The following CSMD1 variants were observed in gnomAD, a reference collection of about 807,000 sequenced individuals.
CSMD1 encodes CUB and sushi domain-containing protein 1.
In CSMD1, 213 loss-of-function variants were observed where a neutral mutation model predicts 417.5. The observed-to-expected ratio is 0.51, with a 90% CI of 0.46 to 0.57. The LOEUF is 0.57. Among genes scored for constraint, CSMD1 ranks in the 20% least tolerant of loss-of-function variants. The probability of loss-of-function intolerance (pLI) is 0.00; values close to 1 mark genes in which losing one functional copy is unlikely to be tolerated. For synonymous variants in CSMD1, 2,862 were observed against 1,736.8 expected, an observed-to-expected ratio of 1.65 and a Z score of -16.11; for missense variants, 6,923 against 4,529.7, an observed-to-expected ratio of 1.53 and a Z score of -15.17.
chr8:4,579,195 T>C (rs570465381), intron 2 of CSMD1, among the ~76,000 whole-genome samples: 92 of 151,922 alleles, frequency 6.1e-4, no homozygotes, highest in African/African-American at 2.2e-3. Context: ...AAGTCAGGTG[T>C]GGTTGCTCTG....
At chr8:4,159,642 A>G (rs1647289) in intron 3 of CSMD1, among the ~76,000 whole-genome samples, 149,350 of 152,270 alleles carry the variant, frequency 0.98, 73,330 homozygotes, top group East Asian at 1. Flanking sequence ...AGGCTGGAGC[A>G]CAGTGGCGCG....
intron 2 of CSMD1, among the ~76,000 whole-genome samples, chr8:4,562,840 G>A (rs953434526): frequency 6.6e-6 from 1 of 152,054 alleles, no homozygotes; most frequent in East Asian, 1.9e-4. Context: ...ATATCAGGAA[G>A]AATTCAAATG....
At chr8:2,993,258 T>C (rs1806561138) in intron 54 of CSMD1, among the ~76,000 whole-genome samples, 1 of 152,188 alleles carries the variant, frequency 6.6e-6, no homozygotes, top group South Asian at 2.1e-4. Context: ...TGGAGACACT[T>C]TTCCAAAATT....
At chr8:3,797,588 T>A (rs371260431) in intron 5 of CSMD1, among the ~76,000 whole-genome samples, 8 of 151,952 alleles carry the variant, frequency 5.3e-5, no homozygotes, top group Non-Finnish European at 7.4e-5. Flanking sequence ...TTCACAAATG[T>A]TTTATGTTTC....
At chr8:4,175,273 C>T (rs537012014) in intron 3 of CSMD1, among the ~76,000 whole-genome samples, 1 of 152,120 alleles carries the variant, frequency 6.6e-6, no homozygotes, top group East Asian at 1.9e-4. Context: ...TTAATTATCT[C>T]TGCTGATGGG....
chr8:3,754,613 C>T (rs140181487), intron 5 of CSMD1, among the ~76,000 whole-genome samples: 9 of 152,256 alleles, frequency 5.9e-5, no homozygotes, highest in African/African-American at 1.9e-4. Flanking sequence ...CGCCATCATG[C>T]CTGGCTACTT....
At chr8:3,828,544 C>T (rs1459312215) in intron 5 of CSMD1, among the ~76,000 whole-genome samples, 1 of 152,162 alleles carries the variant, frequency 6.6e-6, no homozygotes, top group African/African-American at 2.4e-5. Context: ...TTTCCACCTT[C>T]TTGTGTCTTA....
In CSMD1 at chr8:4,390,497, T is replaced by TTTTTTTTATTTATTTATTTA. The variant is rs58291340; in HGVS notation, c.415+29455_415+29456insTAAATAAATAAATAAAAAAA. Among the ~76,000 whole-genome samples, 661 of 140,360 alleles carry TTTTTTTTATTTATTTATTTA rather than the reference T, an allele frequency of 4.7e-3. 6 individuals carry two copies. Among genetic ancestry groups the TTTTTTTTATTTATTTATTTA allele is most frequent in the African/African-American group, 0.014 (516 of 37,140 alleles). The allele number at this position is 140,360 out of a possible 152,430, so 92.1% of individuals were successfully genotyped here. On this transcript the variant is annotated intron_variant, in intron 3 of 69. Coordinates refer to ENST00000635120, the MANE Select transcript of CSMD1 (RefSeq NM_033225.6). ...AACTGTTACCCACAGAAGCGTCCAT[T>TTTTTTTTATTTATTTATTTA]TTTATTTATTTATTTATTTATTTAT...
chr8:3,309,204 G>A (rs985464615), intron 23 of CSMD1, among the ~76,000 whole-genome samples: 3 of 152,190 alleles, frequency 2.0e-5, no homozygotes, highest in East Asian at 3.9e-4. Flanking sequence ...CCACCTATCG[G>A]CACTGCCAGG....
intron 33 of CSMD1, among the ~76,000 whole-genome samples, chr8:3,197,586 C>T (rs1451446108): frequency 4.0e-5 from 6 of 151,886 alleles, no homozygotes; most frequent in Non-Finnish European, 7.4e-5. Context: ...CTGCCTCAGC[C>T]TCCCGAGTAG....
rs183722515 is a variant in CSMD1 at position 4,005,896 on chromosome 8, G to T, written c.611-7786C>A. 4.9e-4 allele frequency among the ~76,000 whole-genome samples: 74 copies of T among 152,216 alleles called. No individual in the cohort carries two copies. The South Asian group carries it at 0.015, about 30-fold the overall frequency. ...CAGGAGCTGGCTGCCAAAATCACTG[G>T]GAATTGGCTTAGAAGTTGACTTTGC... is the stretch of plus-strand genomic sequence containing the variant. On this transcript the variant is annotated intron_variant, in intron 4 of 69. Transcript: ENST00000635120.
intron 2 of CSMD1, among the ~76,000 whole-genome samples, chr8:4,427,761 T>G (rs909137146): frequency 2.0e-5 from 3 of 152,198 alleles, no homozygotes; most frequent in Non-Finnish European, 2.9e-5. Flanking sequence ...AATCTCTCAA[T>G]AGAAACTTCA....
chr8:3,255,044 G>C (rs904806857), intron 26 of CSMD1, among the ~76,000 whole-genome samples: 1 of 152,102 alleles, frequency 6.6e-6, no homozygotes, highest in Non-Finnish European at 1.5e-5. Flanking sequence ...TACAGATGGG[G>C]TTTTGGTGTG....
At chr8:3,202,922 AC>A (rs1328023004) in intron 31 of CSMD1, among the ~76,000 whole-genome samples, 2 of 152,130 alleles carry the variant, frequency 1.3e-5, no homozygotes, top group Non-Finnish European at 2.9e-5. Context: ...TGCTCTAAAA[AC>A]TTTTTTCAGG....
chr8:4,331,680 A>C (rs1333835738), intron 3 of CSMD1, among the ~76,000 whole-genome samples: 3 of 152,152 alleles, frequency 2.0e-5, no homozygotes, highest in Admixed American at 6.5e-5. Flanking sequence ...CAGAGGCCCC[A>C]GTTAGGTCAT....
chr8:4,388,202 A>G (rs1170250573), intron 3 of CSMD1, among the ~76,000 whole-genome samples: 1 of 152,112 alleles, frequency 6.6e-6, no homozygotes, highest in African/African-American at 2.4e-5. Context: ...TCATTATACG[A>G]AAAAGATATT....
At chr8:4,461,272 C>G (rs770316840) in intron 2 of CSMD1, among the ~76,000 whole-genome samples, 2 of 152,008 alleles carry the variant, frequency 1.3e-5, no homozygotes, top group Non-Finnish European at 2.9e-5. Context: ...CTACAGTTAA[C>G]ATTGTATTTA....
intron 1 of CSMD1, among the ~76,000 whole-genome samples, chr8:4,920,578 T>G (rs1373911093): frequency 6.6e-6 from 1 of 151,982 alleles, no homozygotes; most frequent in Non-Finnish European, 1.5e-5. Flanking sequence ...TCCCAGCACT[T>G]TGGGAGGCTG....
In CSMD1 at chr8:4,287,181, A is replaced by C. The variant is rs546605725; in HGVS notation, c.415+132772T>G. 1.2e-3 allele frequency among the ~76,000 whole-genome samples: 183 copies of C among 152,336 alleles called. 1 individual carries two copies. The highest frequency in any genetic ancestry group is 4.3e-3 in the African/African-American group (179 of 41,580). On this transcript the variant is annotated intron_variant, in intron 3 of 69. Coordinates refer to ENST00000635120, the MANE Select transcript of CSMD1 (RefSeq NM_033225.6). ...ACAGATTCTGTGTAATTTAGAACTAAACAGTTTAATTTTACTCACATAGCT... is the reference window on the plus strand; with the variant it reads ...ACAGATTCTGTGTAATTTAGAACTACACAGTTTAATTTTACTCACATAGCT...
Sources: allele counts gnomAD v4.1 joint callset (sites outside exome capture counted in the v4.1 genomes callset), GRCh38; gene constraint gnomAD v4.1.1; transcripts MANE v1.5; gene names NCBI Gene and HGNC (gene_info 2026-07-23, HGNC 2026-07-21).